IRAG1: variants seen among roughly 807,000 people sequenced by gnomAD.
The protein encoded by IRAG1 is inositol 1,4,5-triphosphate receptor associated 1.
Under a neutral mutation model 106.2 loss-of-function variants are expected in IRAG1, and 62 were observed. That is an observed-to-expected ratio of 0.58 (90% CI 0.48 to 0.72). The LOEUF (loss-of-function observed/expected upper bound fraction) is 0.72, where lower values mean the gene tolerates loss of function less well. Ranked by LOEUF, IRAG1 falls within the 30% of genes least tolerant of loss-of-function variation. The pLI, the probability that IRAG1 is intolerant of heterozygous loss-of-function variation, is 0.00. For synonymous variants in IRAG1, 462 were observed against 443.9 expected, an observed-to-expected ratio of 1.04 and a Z score of -0.51; for missense variants, 1,064 against 1,140.7, an observed-to-expected ratio of 0.93 and a Z score of 0.97.
chr11:10,621,028 A>C (rs913182303), intron 10 of IRAG1, among the ~76,000 whole-genome samples: 4 of 152,216 alleles, frequency 2.6e-5, no homozygotes, highest in African/African-American at 9.7e-5. Context: ...AAACATTATA[A>C]ATATGGGCAA....
chr11:10,604,583 A>T, intron 12 of IRAG1, 38 bp from the exon 13 acceptor site: 1 of 1,613,172 alleles, frequency 6.2e-7, no homozygotes, highest in Non-Finnish European at 8.5e-7. Context: ...TGCTGGGAGG[A>T]GTTACTGCAG....
intron 1 of IRAG1, among the ~76,000 whole-genome samples, chr11:10,671,309 A>G (rs2135108380): frequency 6.6e-6 from 1 of 152,410 alleles, no homozygotes; most frequent in East Asian, 1.9e-4. Flanking sequence ...TATGATTGAT[A>G]TAGTACAATC....
At position 10,647,875 on chromosome 11, in the gene IRAG1, G is replaced by A. The variant is rs10770128; in HGVS notation, c.225+4150C>T. 0.21 allele frequency among the ~76,000 whole-genome samples: 32,437 copies of A among 151,980 alleles called. 4,689 individuals carry two copies. Among genetic ancestry groups the A allele is most frequent in the East Asian group, 0.77 (3,975 of 5,152 alleles). On this transcript the variant is annotated intron_variant, in intron 2 of 20. Transcript: ENST00000423302. This position sits in a 1 kb window ranked among gnomAD's most constrained non-coding sequence, Gnocchi z 4.3. ...GGGAGCAAAGACTGAAGAAACTAGAGAAAAAGAGACTCTGAGAAGACTCAG... is the reference window on the plus strand; with the variant it reads ...GGGAGCAAAGACTGAAGAAACTAGAAAAAAAGAGACTCTGAGAAGACTCAG...
chr11:10,600,381 C>A (rs1307949307), intron 15 of IRAG1, among the ~76,000 whole-genome samples: 1 of 152,244 alleles, frequency 6.6e-6, no homozygotes, highest in African/African-American at 2.4e-5. Flanking sequence ...CTCACCTGGA[C>A]TGTTGCAAGA....
At chr11:10,625,851 G>A (rs1269036453) in intron 9 of IRAG1, 115 bp downstream of exon 9, 1 of 1,104,304 alleles carries the variant, frequency 9.1e-7, no homozygotes. Context: ...GCCCTCACAA[G>A]GCCCAAGTCC....
rs149999945 is a variant in IRAG1 at position 10,646,288 on chromosome 11, T to C, written c.225+5737A>G. On this transcript the variant is annotated intron_variant, in intron 2 of 20. Transcript: ENST00000423302. ...ACTTTGGGAGTGTGGAAAAACACAG[T>C]ATGTGTTAGCTTTATTCCAAGGAGA... Among the ~76,000 whole-genome samples, 879 of 152,342 alleles carry C rather than the reference T, an allele frequency of 5.8e-3. 7 individuals carry two copies. Among genetic ancestry groups the C allele is most frequent in the Non-Finnish European group, 9.6e-3 (653 of 68,026 alleles).
In IRAG1 at chr11:10,625,985, T is replaced by G. The variant is rs1346830450; in HGVS notation, c.1349A>C (p.Lys450Thr). The G allele has an allele frequency of 6.7e-7, 1 of 1,487,554 alleles. No homozygotes were observed. Among genetic ancestry groups the G allele is most frequent in the Non-Finnish European group, 8.9e-7 (1 of 1,118,672 alleles). The allele number at this position is 1,487,554 out of a possible 1,614,324, so 92.1% of individuals were successfully genotyped here. ...QIQVQPVRMQKLTKLREEHIL... is the reference protein window; with the variant it reads ...QIQVQPVRMQTLTKLREEHIL... ...ACCCACCTCTCGGAGCTTGGTCAGT[T>G]TCTGCATCCGCACGGGCTGCACTTG... The change falls in exon 9 of 21, where the codon AAA (lysine) becomes ACA (threonine). Residue 450 changes from lysine to threonine, a missense_variant. By Grantham distance (78) the Lys-to-Thr change is moderately conservative. Transcript: ENST00000423302.
chr11:10,578,970 C>T (rs980672865), intron 20 of IRAG1, among the ~76,000 whole-genome samples: 2 of 152,188 alleles, frequency 1.3e-5, no homozygotes, highest in African/African-American at 4.8e-5. Flanking sequence ...TGCTTGACTG[C>T]ATTAAAGGGG....
intron 2 of IRAG1, among the ~76,000 whole-genome samples, chr11:10,637,469 T>A (rs1039096672): frequency 2.6e-5 from 4 of 152,178 alleles, no homozygotes; most frequent in African/African-American, 9.7e-5. Context: ...GGGCTGGTGA[T>A]AAGCTTGTCC....
At chr11:10,608,992 G>A (rs1001746077) in intron 11 of IRAG1, among the ~76,000 whole-genome samples, 4 of 152,252 alleles carry the variant, frequency 2.6e-5, no homozygotes, top group African/African-American at 9.6e-5. Flanking sequence ...GTTAATTTGT[G>A]TGTTTTGTGT....
At chr11:10,666,485 C>T (rs955742307) in intron 1 of IRAG1, among the ~76,000 whole-genome samples, 1 of 152,198 alleles carries the variant, frequency 6.6e-6, no homozygotes, top group Non-Finnish European at 1.5e-5. Context: ...CAACTTCAAC[C>T]AAAAATGAAA....
intron 1 of IRAG1, among the ~76,000 whole-genome samples, chr11:10,693,169 C>T (rs1375222992): frequency 2.0e-5 from 3 of 152,128 alleles, no homozygotes; most frequent in Non-Finnish European, 4.4e-5. Context: ...GGGGAGAAAG[C>T]TCTGCTTAGC....
chr11:10,612,113 T>C (rs1420231214), intron 10 of IRAG1, among the ~76,000 whole-genome samples: 1 of 152,196 alleles, frequency 6.6e-6, no homozygotes, highest in South Asian at 2.1e-4. Flanking sequence ...CCAACCACCA[T>C]GTTCTCCCCC....
intron 10 of IRAG1, 149 bp from the exon 11 acceptor site, chr11:10,610,000 C>G (rs755538408): frequency 1.6e-5 from 13 of 803,976 alleles, no homozygotes; most frequent in Non-Finnish European, 2.4e-5. Flanking sequence ...TCACAATGAG[C>G]TAGAACTTAG....
chr11:10,630,910 T>G (rs115873700), intron 4 of IRAG1, among the ~76,000 whole-genome samples: 3,518 of 152,228 alleles, frequency 0.023, 132 homozygotes, highest in African/African-American at 0.08. Context: ...GGCCAATCAA[T>G]GAACAGAATC....
At chr11:10,664,425 A>G (rs1859637647) in intron 1 of IRAG1, among the ~76,000 whole-genome samples, 1 of 152,196 alleles carries the variant, frequency 6.6e-6, no homozygotes. Flanking sequence ...GGATTGAGAT[A>G]GGGGTTCAGG....
chr11:10,641,640 C>T (rs116846367), intron 2 of IRAG1, among the ~76,000 whole-genome samples: 4,329 of 152,228 alleles, frequency 0.028, 79 homozygotes, highest in Middle Eastern at 0.071. Context: ...GTTTTCTCAC[C>T]GAATCCTCCC....
intron 19 of IRAG1, among the ~76,000 whole-genome samples, chr11:10,581,016 C>A (rs1191664962): frequency 2.6e-5 from 4 of 152,182 alleles, no homozygotes; most frequent in Non-Finnish European, 5.9e-5. Flanking sequence ...ATGGCTTGAT[C>A]TAGAGAGGTA....
intron 15 of IRAG1, among the ~76,000 whole-genome samples, chr11:10,599,368 A>G (rs907929389): frequency 2.0e-5 from 3 of 152,206 alleles, no homozygotes; most frequent in African/African-American, 7.2e-5. Flanking sequence ...AATCTTAGGT[A>G]AGGTGGTTTG....
Sources: gnomAD v4.1 joint callset for allele counts (sites outside exome capture counted in the v4.1 genomes callset) on GRCh38, gnomAD v4.1.1 for gene constraint, Gnocchi (gnomAD v3.1) non-coding constraint, MANE v1.5 for transcripts, NCBI Gene and HGNC (gene_info 2026-07-23, HGNC 2026-07-21) for gene names.